The following GPC5 variants were observed in gnomAD, a reference collection of about 807,000 sequenced individuals.
The protein encoded by GPC5 is glypican-5.
A neutral mutation model predicts 53.9 loss-of-function variants in GPC5; 47 were observed. That is an observed-to-expected ratio of 0.87 (90% CI 0.69 to 1.11). GPC5 has a LOEUF of 1.11. GPC5 is among the 50% of genes most tolerant of loss of function. GPC5 has a pLI of 0.00. For missense variants in GPC5, 748 were observed against 713.1 expected, an observed-to-expected ratio of 1.05 and a Z score of -0.56; for synonymous variants, 286 against 263.3, an observed-to-expected ratio of 1.09 and a Z score of -0.84.
At chr13:91,410,561 T>C (rs1268655919) in intron 1 of GPC5, among the ~76,000 whole-genome samples, 1 of 151,656 alleles carries the variant, frequency 6.6e-6, no homozygotes, top group East Asian at 2.0e-4. Flanking sequence ...TTAGCCAGGA[T>C]GGTCTCGATC....
chr13:92,578,827 G>A (rs531753695), intron 7 of GPC5, among the ~76,000 whole-genome samples: 1 of 152,266 alleles, frequency 6.6e-6, no homozygotes, highest in Non-Finnish European at 1.5e-5. Context: ...CACAGATGGC[G>A]TCAGCATAGT....
intron 7 of GPC5, among the ~76,000 whole-genome samples, chr13:92,522,880 A>C (rs1442172846): frequency 6.6e-6 from 1 of 152,144 alleles, no homozygotes; most frequent in Non-Finnish European, 1.5e-5. Context: ...TCCTGAGCCA[A>C]TAAAGAAGCA....
At chr13:92,515,806 T>G (rs1880754054) in intron 7 of GPC5, among the ~76,000 whole-genome samples, 1 of 152,008 alleles carries the variant, frequency 6.6e-6, no homozygotes, top group African/African-American at 2.4e-5. Flanking sequence ...AACACTACCC[T>G]CAAACCCAGA....
chr13:92,344,375 G>A, intron 7 of GPC5, among the ~76,000 whole-genome samples: 1 of 152,202 alleles, frequency 6.6e-6, no homozygotes, highest in East Asian at 1.9e-4. Flanking sequence ...CAGGGATTAT[G>A]GGAACTGCAA....
intron 5 of GPC5, among the ~76,000 whole-genome samples, chr13:91,859,076 G>T (rs550206267): frequency 2.0e-5 from 3 of 147,780 alleles, no homozygotes; most frequent in Admixed American, 2.0e-4. Context: ...AGTAGGTTTG[G>T]TTTATCTTTT....
chr13:91,981,475 C>G (rs1041345272), intron 6 of GPC5, among the ~76,000 whole-genome samples: 8 of 152,068 alleles, frequency 5.3e-5, no homozygotes, highest in African/African-American at 1.2e-4. Flanking sequence ...ATTTTTAGTA[C>G]AGACTGGGTT....
At chr13:91,528,757 A>T (rs1254707582) in intron 2 of GPC5, among the ~76,000 whole-genome samples, 1 of 152,192 alleles carries the variant, frequency 6.6e-6, no homozygotes, top group Non-Finnish European at 1.5e-5. Context: ...ACAGTTCCAC[A>T]TGGCTTGGGA....
intron 7 of GPC5, among the ~76,000 whole-genome samples, chr13:92,207,164 A>T (rs2042343631): frequency 6.6e-6 from 1 of 152,180 alleles, no homozygotes; most frequent in Non-Finnish European, 1.5e-5. Flanking sequence ...CAGCAGCAGT[A>T]CTAGTCTAGC....
chr13:92,718,942 TGTAACACAAA>T (rs1566382764), intron 7 of GPC5, among the ~76,000 whole-genome samples: 3 of 151,976 alleles, frequency 2.0e-5, no homozygotes, highest in Non-Finnish European at 2.9e-5. Context: ...TAAGAATGTT[TGTAACACAAA>T]GGAAGGATAA....
chr13:92,836,626 T>G (rs373443372), intron 7 of GPC5, among the ~76,000 whole-genome samples: 1 of 152,094 alleles, frequency 6.6e-6, no homozygotes, highest in African/African-American at 2.4e-5. Context: ...ACTATATTTA[T>G]GCAGTTATTT....
chr13:92,654,747 A>G (rs1017804332), intron 7 of GPC5, among the ~76,000 whole-genome samples: 2 of 96,852 alleles, frequency 2.1e-5, no homozygotes, highest in East Asian at 4.4e-4. Flanking sequence ...TTTACCTTGT[A>G]TTCATCAAAA....
chr13:92,587,846 T>C (rs1184434537), intron 7 of GPC5, among the ~76,000 whole-genome samples: 1 of 152,006 alleles, frequency 6.6e-6, no homozygotes. Context: ...TGGTTAGGTG[T>C]AATATGCTGG....
At position 92,432,477 on chromosome 13, in the gene GPC5, A is replaced by AT. The variant is rs1474021296; in HGVS notation, c.1561+287492dup. The stretch of plus-strand genomic sequence containing the variant: ...TGCCTTTCTCCTGCCTCAACCTCCC[A>AT]TTTTCAACTCATGGTCAAGTGATCT... On this transcript the variant is annotated intron_variant, in intron 7 of 7. Transcript: ENST00000377067. Among the ~76,000 whole-genome samples, 3 of 137,244 alleles carry AT rather than the reference A, an allele frequency of 2.2e-5. No homozygotes were observed. In the East Asian group the frequency reaches 6.4e-4, roughly 29 times the overall value. 90.0% of individuals were successfully genotyped at this position (137,244 alleles called of 152,430 possible). A position where few individuals can be genotyped will look rare whatever the true frequency, so the allele number is the denominator to read the frequency against.
At chr13:92,040,513 C>T (rs774557349) in intron 6 of GPC5, among the ~76,000 whole-genome samples, 6 of 152,122 alleles carry the variant, frequency 3.9e-5, no homozygotes, top group African/African-American at 1.2e-4. Context: ...ATGTAGTCTA[C>T]GATAATTACA....
chr13:92,337,905 G>T (rs1179668063), intron 7 of GPC5, among the ~76,000 whole-genome samples: 2 of 152,026 alleles, frequency 1.3e-5, no homozygotes, highest in Non-Finnish European at 2.9e-5. Flanking sequence ...TATGGAAAAG[G>T]CTTTTTAGAT....
intron 3 of GPC5, among the ~76,000 whole-genome samples, chr13:91,700,170 T>C (rs769405332): frequency 3.3e-5 from 5 of 152,098 alleles, no homozygotes; most frequent in Non-Finnish European, 7.3e-5. Flanking sequence ...GGAGTGGTGA[T>C]AGTGGTGAGT....
chr13:92,689,490 A>G (rs1457809012), intron 7 of GPC5, among the ~76,000 whole-genome samples: 6 of 96,450 alleles, frequency 6.2e-5, no homozygotes, highest in African/African-American at 2.1e-4. Flanking sequence ...TCCTGAATAC[A>G]GCACACTGAT....
intron 6 of GPC5, among the ~76,000 whole-genome samples, chr13:91,984,794 C>G (rs2040391692): frequency 6.6e-6 from 1 of 152,080 alleles, no homozygotes; most frequent in Non-Finnish European, 1.5e-5. Flanking sequence ...TTTTATTTAT[C>G]TTGGCAGTAC....
chr13:92,640,362 C>G (rs1885555115), intron 7 of GPC5, among the ~76,000 whole-genome samples: 1 of 152,190 alleles, frequency 6.6e-6, no homozygotes, highest in Non-Finnish European at 1.5e-5. Flanking sequence ...CGGGTTCACG[C>G]CATTCTCCTG....
Sources: gnomAD v4.1 joint callset for allele counts (sites outside exome capture counted in the v4.1 genomes callset) on GRCh38, gnomAD v4.1.1 for gene constraint, MANE v1.5 for transcripts, NCBI Gene and HGNC (gene_info 2026-07-23, HGNC 2026-07-21) for gene names.